AIF1L: variants seen among roughly 807,000 people sequenced by gnomAD.
AIF1L encodes the protein allograft inflammatory factor 1-like.
AIF1L carries 12 observed loss-of-function variants against 20.7 expected under a neutral mutation model. The ratio of observed to expected loss-of-function variants is 0.58; its 90% CI spans 0.37 to 0.94. The LOEUF (loss-of-function observed/expected upper bound fraction) is 0.94. Among genes scored for constraint, AIF1L ranks in the 40% least tolerant of loss-of-function variants. The pLI, the probability that AIF1L is intolerant of heterozygous loss-of-function variation, is 0.01. For synonymous variants in AIF1L, 76 were observed against 65.1 expected, an observed-to-expected ratio of 1.17 and a Z score of -0.81; for missense variants, 173 against 185.3, an observed-to-expected ratio of 0.93 and a Z score of 0.39.
At chr9:131,114,398 C>G in intron 3 of AIF1L, 179 bp from the exon 4 acceptor site, 1 of 651,140 alleles carries the variant, frequency 1.5e-6, no homozygotes, top group Non-Finnish European at 2.8e-6. Flanking sequence ...GCAGGATGAG[C>G]TCTTTCCCCA....
chr9:131,098,819 C>T (rs560864153), intron 2 of AIF1L, among the ~76,000 whole-genome samples: 85 of 152,312 alleles, frequency 5.6e-4, no homozygotes, highest in African/African-American at 1.9e-3. Flanking sequence ...CCCAAGGCCA[C>T]GCAGAAGCCA....
At chr9:131,114,529 G>A in intron 3 of AIF1L, 48 bp from the exon 4 acceptor site, 1 of 1,608,718 alleles carries the variant, frequency 6.2e-7, no homozygotes, top group Non-Finnish European at 8.5e-7. Context: ...TCCCCACAGG[G>A]AGACGCTGCT....
chr9:131,102,051 G>C (rs763256917), intron 2 of AIF1L, among the ~76,000 whole-genome samples: 13 of 152,038 alleles, frequency 8.6e-5, no homozygotes, highest in Non-Finnish European at 1.8e-4. Flanking sequence ...CGAGTAGCTG[G>C]GATTACAAGT....
chr9:131,106,251 GCT>G (rs1476205260), intron 2 of AIF1L: 7 of 1,534,956 alleles, frequency 4.6e-6, no homozygotes, highest in Non-Finnish European at 6.1e-6. Context: ...CTGCTTGCTG[GCT>G]CTGCTGTTTC....
At chr9:131,114,340 G>A (rs1182037051) in intron 3 of AIF1L, 1 of 510,712 alleles carries the variant, frequency 2.0e-6, no homozygotes, top group African/African-American at 1.9e-5. Flanking sequence ...GGGTCAGAGT[G>A]GCCCCCAGCC....
intron 2 of AIF1L, among the ~76,000 whole-genome samples, chr9:131,097,654 G>T (rs1013894653): frequency 7.9e-5 from 12 of 152,264 alleles, no homozygotes; most frequent in African/African-American, 2.9e-4. Context: ...GATAAGGAAA[G>T]ATATCAGGAC....
In AIF1L at chr9:131,096,831, C is replaced by A; in HGVS notation, c.61C>A (p.Arg21=). 4.5e-6 allele frequency: 7 copies of A among 1,538,894 alleles called. No individual in the cohort carries two copies. Among genetic ancestry groups the A allele is most frequent in the Non-Finnish European group, 6.1e-6 (7 of 1,143,356 alleles). Residue 21 remains arginine, a synonymous_variant, in exon 2 of 6, where the codon CGG becomes AGG. Coordinates refer to ENST00000247291, the MANE Select transcript of AIF1L (RefSeq NM_031426.4). ...GAAGGCGTTCGGCTTGCTCAAAGCC[C>A]GGCAGGAGAGGAGGCTGGCCGAGAT... is the stretch of plus-strand genomic sequence containing the variant. ...GGKAFGLLKA[R]QERRLAEINR...
chr9:131,101,634 T>C (rs1019795496), intron 2 of AIF1L, among the ~76,000 whole-genome samples: 1 of 152,040 alleles, frequency 6.6e-6, no homozygotes, highest in Non-Finnish European at 1.5e-5. Flanking sequence ...CATACATCAC[T>C]GTGCCGGGCC....
At chr9:131,103,930 CCGGCACCT>C (rs1180654769) in intron 2 of AIF1L, among the ~76,000 whole-genome samples, 3 of 152,202 alleles carry the variant, frequency 2.0e-5, no homozygotes, top group Non-Finnish European at 4.4e-5. Flanking sequence ...CCTGTCCCTT[CCGGCACCT>C]CGGTTTCCCC....
rs1188501232 is a variant in AIF1L, at chr9:131,123,132, CCAGA to C, written c.*2813_*2816del. The C allele has an allele frequency of 6.6e-6, 1 of 152,198 alleles. No homozygotes were observed. Among genetic ancestry groups the C allele is most frequent in the Non-Finnish European group, 1.5e-5 (1 of 68,050 alleles). The allele number at this position is 152,198 out of a possible 1,614,324, so 9.4% of individuals were successfully genotyped here. ...ATCATCTCTACAGCCTGCAAATAAA[CCAGA>C]CAAACTTACCAACGTCTTGATTGGT... is the stretch of plus-strand genomic sequence containing the variant. On this transcript the variant is annotated 3_prime_UTR_variant, in exon 6 of 6. Transcript: ENST00000247291.
chr9:131,096,898 G>A (rs1830541218), intron 2 of AIF1L, 35 bp downstream of exon 2: 6 of 1,504,342 alleles, frequency 4.0e-6, no homozygotes, highest in African/African-American at 1.4e-5. Flanking sequence ...CGCGAGTCCC[G>A]AGCCGCGCGC....
intron 2 of AIF1L, among the ~76,000 whole-genome samples, chr9:131,109,666 G>C (rs1291914675): frequency 6.6e-6 from 1 of 152,228 alleles, no homozygotes. Context: ...TTCCCCATCT[G>C]AATACAGGTT....
chr9:131,114,270 A>C (rs901411006), intron 3 of AIF1L: 11 of 351,648 alleles, frequency 3.1e-5, no homozygotes, highest in African/African-American at 2.3e-4. Flanking sequence ...CTACTAACTC[A>C]GATGCAGCTG....
In AIF1L at chr9:131,117,968, TGC is replaced by T. The variant is rs1323626095; in HGVS notation, c.365+51_365+52del. On this transcript the variant is annotated intron_variant, in intron 5 of 5. Coordinates refer to ENST00000247291, the MANE Select transcript of AIF1L (RefSeq NM_031426.4). ...GATCTCTGAAGGCAAAATCATTCTG[TGC>T]AGAGAGGCCCCTGGCTCTGGGCACC... 2.6e-6 allele frequency: 4 copies of T among 1,534,516 alleles called. No homozygotes were observed. In the Admixed American group the frequency reaches 7.9e-5, roughly 30 times the overall value.
rs746698091 is a variant in AIF1L at position 131,115,449 on chromosome 9, CAAAAAAAA to C, written c.202+849_202+856del. 5.1e-4 allele frequency among the ~76,000 whole-genome samples: 31 copies of C among 60,410 alleles called. No homozygotes were observed. In the Admixed American group the frequency reaches 5.5e-3, roughly 11 times the overall value. 39.6% of individuals were successfully genotyped at this position (60,410 alleles called of 152,430 possible). A position where few individuals can be genotyped will look rare whatever the true frequency, so the allele number is the denominator to read the frequency against. On this transcript the variant is annotated intron_variant, in intron 4 of 5. Coordinates refer to ENST00000247291, the MANE Select transcript of AIF1L (RefSeq NM_031426.4). The stretch of plus-strand genomic sequence containing the variant: ...TGGGTGACAGAGCGAGATTCTGTCT[CAAAAAAAA>C]AAAAAAAAAAAAAAAAAGCAAAAAG...
In AIF1L at chr9:131,096,555, C is replaced by A. The variant is rs980327405; in HGVS notation, c.-75C>A. 8.9e-6 allele frequency: 13 copies of A among 1,467,434 alleles called. No individual in the cohort carries two copies. The highest frequency in any genetic ancestry group is 2.4e-5 in the Admixed American group (1 of 41,308). The allele number at this position is 1,467,434 out of a possible 1,614,324, so 90.9% of individuals were successfully genotyped here. On this transcript the variant is annotated 5_prime_UTR_variant, in exon 1 of 6. Coordinates refer to ENST00000247291, the MANE Select transcript of AIF1L (RefSeq NM_031426.4). ...CACACGCAGCTAGCCGGAGCCCGGACCAGGCGCCTGTGCCTCCTCCTCGTC... is the reference window on the plus strand; with the variant it reads ...CACACGCAGCTAGCCGGAGCCCGGAACAGGCGCCTGTGCCTCCTCCTCGTC...
intron 2 of AIF1L, among the ~76,000 whole-genome samples, chr9:131,101,275 C>T (rs1232760297): frequency 2.0e-5 from 3 of 152,152 alleles, no homozygotes; most frequent in Non-Finnish European, 4.4e-5. Flanking sequence ...TCTCGCTGAC[C>T]CCGCAACAGG....
intron 2 of AIF1L, among the ~76,000 whole-genome samples, chr9:131,101,363 T>A (rs957600394): frequency 5.9e-5 from 9 of 152,052 alleles, no homozygotes; most frequent in African/African-American, 2.2e-4. Flanking sequence ...TCCTTTTTTT[T>A]TGAGACAGGG....
intron 2 of AIF1L, among the ~76,000 whole-genome samples, chr9:131,105,527 TAG>T (rs1830727702): frequency 6.6e-6 from 1 of 151,866 alleles, no homozygotes; most frequent in South Asian, 2.1e-4. Context: ...TGGTTTTTAG[TAG>T]AGACAGGATT....
Sources: gnomAD v4.1 joint callset for allele counts (sites outside exome capture counted in the v4.1 genomes callset) on GRCh38, gnomAD v4.1.1 for gene constraint, MANE v1.5 for transcripts, NCBI Gene and HGNC (gene_info 2026-07-23, HGNC 2026-07-21) for gene names.